The following DTNA variants were observed in gnomAD, a reference collection of about 807,000 sequenced individuals.
The protein encoded by DTNA is dystrophin-related protein 3.
DTNA carries 43 observed loss-of-function variants against 100.7 expected under a neutral mutation model. That is an observed-to-expected ratio of 0.43 (90% CI 0.33 to 0.55). DTNA has a LOEUF of 0.55. Among genes scored for constraint, DTNA ranks in the 20% least tolerant of loss-of-function variants. The pLI, the probability that DTNA is intolerant of heterozygous loss-of-function variation, is 0.04. For synonymous variants in DTNA, 349 were observed against 347.9 expected (o/e 1.00, Z -0.04); for missense variants, 798 against 953.9 (o/e 0.84, Z 2.15).
intron 1 of DTNA, among the ~76,000 whole-genome samples, chr18:34,716,818 T>C (rs2084177727): frequency 6.6e-6 from 1 of 152,108 alleles, no homozygotes; most frequent in Non-Finnish European, 1.5e-5. Context: ...TTTACCCATG[T>C]ATATGTGTTT....
At position 34,692,921 on chromosome 18, in the gene DTNA, G is replaced by A. The variant is rs571450919; in HGVS notation, c.-1-63055G>A. On this transcript the variant is annotated intron_variant, in intron 1 of 19. Coordinates refer to the DTNA transcript ENST00000283365. Reference sequence around the variant, plus strand: ...TAAATATCTATGACTAATTATAAACGAATTTCTTTAGAATGCAAAAAAATT... The same window carrying A: ...TAAATATCTATGACTAATTATAAACAAATTTCTTTAGAATGCAAAAAAATT... 1.4e-4 allele frequency among the ~76,000 whole-genome samples: 22 copies of A among 151,936 alleles called. No homozygotes were observed. In the South Asian group the frequency reaches 1.9e-3, roughly 13 times the overall value.
chr18:34,842,452 A>G (rs1274238963), intron 13 of DTNA, among the ~76,000 whole-genome samples: 2 of 152,176 alleles, frequency 1.3e-5, no homozygotes, highest in African/African-American at 4.8e-5. Context: ...GAACTCTTTA[A>G]TAGATTCCTA....
intron 1 of DTNA, among the ~76,000 whole-genome samples, chr18:34,688,511 A>G (rs2079240726): frequency 1.3e-5 from 2 of 152,104 alleles, no homozygotes; most frequent in African/African-American, 4.8e-5. Flanking sequence ...TGAGAGATCC[A>G]CTGTTAGTCT....
intron 1 of DTNA, among the ~76,000 whole-genome samples, chr18:34,575,541 A>G (rs1338214382): frequency 1.3e-5 from 2 of 150,092 alleles, no homozygotes; most frequent in Non-Finnish European, 3.0e-5. Context: ...TGAAATTTCA[A>G]CCTCCTTTTT....
chr18:34,828,051 G>A (rs1465718670), intron 10 of DTNA, among the ~76,000 whole-genome samples: 6 of 152,160 alleles, frequency 3.9e-5, no homozygotes, highest in African/African-American at 1.4e-4. Context: ...TATATAAATG[G>A]TGAAATGTGT....
In DTNA at chr18:34,815,989, G is replaced by A. The variant is rs1487954309; in HGVS notation, c.684G>A (p.Leu228=). The change falls in exon 7 of 23, where the codon CTG becomes CTA. Residue 228 remains leucine, a synonymous_variant. Transcript: ENST00000444659. ...PPQCLVWLPL[L]HRLANVENVF... Reference sequence around the variant, plus strand: ...AGTGTCTGGTCTGGTTGCCTCTTCTGCATCGACTAGCAAATGTGGAAAATG... The same window carrying A: ...AGTGTCTGGTCTGGTTGCCTCTTCTACATCGACTAGCAAATGTGGAAAATG... 1.9e-6 allele frequency: 3 copies of A among 1,613,742 alleles called. No individual in the cohort carries two copies. Among genetic ancestry groups the A allele is most frequent in the East Asian group, 4.5e-5 (2 of 44,868 alleles).
chr18:34,787,909 T>C (rs954845652), intron 3 of DTNA, among the ~76,000 whole-genome samples: 5 of 152,234 alleles, frequency 3.3e-5, no homozygotes, highest in South Asian at 4.1e-4. Context: ...TAAGATTCCA[T>C]GAAGAACTAA....
At chr18:34,870,651 C>T (rs1219466281) in intron 17 of DTNA, among the ~76,000 whole-genome samples, 6 of 152,074 alleles carry the variant, frequency 3.9e-5, no homozygotes, top group Non-Finnish European at 7.4e-5. Flanking sequence ...CTGGAGGTCC[C>T]GAGACCTGCC....
intron 1 of DTNA, among the ~76,000 whole-genome samples, chr18:34,624,707 T>G (rs1347516624): frequency 3.3e-5 from 5 of 152,150 alleles, no homozygotes; most frequent in Admixed American, 3.3e-4. Context: ...CTTTGAGAGA[T>G]AAAAAGATGA....
rs762848367 is a variant in DTNA at position 34,821,097 on chromosome 18, C to G, written c.1001+182C>G. 13 of 826,702 alleles carry G rather than the reference C, an allele frequency of 1.6e-5. No individual in the cohort carries two copies. In the East Asian group the frequency reaches 3.5e-4, roughly 22 times the overall value. The allele number at this position is 826,702 out of a possible 1,614,324, so 51.2% of individuals were successfully genotyped here. On this transcript the variant is annotated intron_variant, in intron 9 of 22. Coordinates refer to ENST00000444659, the MANE Select transcript of DTNA (RefSeq NM_001386795.1). ...TTGTTGAGGTGTACAGTACTTCCAC[C>G]AGGCTGGACAAGTAAAGTATGCAAC...
At chr18:34,722,871 C>T (rs1317060624) in intron 1 of DTNA, among the ~76,000 whole-genome samples, 2 of 152,152 alleles carry the variant, frequency 1.3e-5, no homozygotes, top group Non-Finnish European at 2.9e-5. Flanking sequence ...GACTTATCTA[C>T]ATTGTGTGTA....
At chr18:34,601,251 C>A (rs969832355) in intron 1 of DTNA, among the ~76,000 whole-genome samples, 1 of 152,112 alleles carries the variant, frequency 6.6e-6, no homozygotes, top group African/African-American at 2.4e-5. Context: ...TAATTATAAG[C>A]AAATTAAGGG....
upstream of DTNA, among the ~76,000 whole-genome samples, chr18:34,709,114 T>C (rs2082473074): frequency 6.6e-6 from 1 of 152,136 alleles, no homozygotes; most frequent in Admixed American, 6.5e-5. Context: ...CTGAAGACAG[T>C]CCTGGAGGAG....
chr18:34,816,886 A>G (rs2095608866), intron 7 of DTNA, among the ~76,000 whole-genome samples: 2 of 152,180 alleles, frequency 1.3e-5, no homozygotes, highest in Admixed American at 1.3e-4. Context: ...TTATGAATTT[A>G]TCCTGTTTTT....
chr18:34,766,774 T>C (rs2093497133), intron 3 of DTNA, among the ~76,000 whole-genome samples: 1 of 152,236 alleles, frequency 6.6e-6, no homozygotes, highest in South Asian at 2.1e-4. Context: ...CAGGAAAATA[T>C]TTTAAAGCTT....
intron 22 of DTNA, among the ~76,000 whole-genome samples, chr18:34,886,773 C>CCTGT (rs1291013787): frequency 3.9e-5 from 6 of 152,194 alleles, no homozygotes; most frequent in Non-Finnish European, 8.8e-5. Context: ...CAAGAACCAG[C>CCTGT]CTGTCATTCA....
intron 3 of DTNA, among the ~76,000 whole-genome samples, chr18:34,792,729 A>G (rs2094803645): frequency 1.3e-5 from 2 of 152,248 alleles, no homozygotes; most frequent in Admixed American, 1.3e-4. Context: ...TGGTTCAACT[A>G]CTTTTGGAAA....
chr18:34,769,725 C>CTTTTTTTTTTTTTTTTTTTTTTTT lies in DTNA; in HGVS notation c.148+3699_148+3700insTTTTTTTTTTTTTTTTTTTTTTTT, dbSNP rs61242937. On this transcript the variant is annotated intron_variant, in intron 3 of 22. Transcript: ENST00000444659. ...GAAGAAGCAAGGCAGCCCTCTGGGG[C>CTTTTTTTTTTTTTTTTTTTTTTTT]TTTTTTTTTTTTTTTGACAGAGTTT... Among the ~76,000 whole-genome samples the CTTTTTTTTTTTTTTTTTTTTTTTT allele has an allele frequency of 3.5e-4, 19 of 53,862 alleles. 4 individuals are homozygous for CTTTTTTTTTTTTTTTTTTTTTTTT. The highest frequency in any genetic ancestry group is 8.3e-4 in the South Asian group (1 of 1,200). 35.3% of individuals were successfully genotyped at this position (53,862 alleles called of 152,430 possible).
chr18:34,790,091 C>T (rs1459800297), intron 3 of DTNA, among the ~76,000 whole-genome samples: 1 of 151,964 alleles, frequency 6.6e-6, no homozygotes, highest in Admixed American at 6.6e-5. Flanking sequence ...TTAGAAAACC[C>T]TGTTTCACTG....
Sources: allele counts gnomAD v4.1 joint callset (sites outside exome capture counted in the v4.1 genomes callset), GRCh38; gene constraint gnomAD v4.1.1; transcripts MANE v1.5; gene names NCBI Gene and HGNC (gene_info 2026-07-23, HGNC 2026-07-21).